The following MET variants were observed in gnomAD, a reference collection of about 807,000 sequenced individuals.
MET encodes the protein MET proto-oncogene, receptor tyrosine kinase.
Under a neutral mutation model 133.1 loss-of-function variants are expected in MET, and 48 were observed. The ratio of observed to expected loss-of-function variants is 0.36; its 90% CI spans 0.29 to 0.46. The LOEUF (loss-of-function observed/expected upper bound fraction) is 0.46. Ranked by LOEUF, MET falls within the 20% of genes least tolerant of loss-of-function variation. The pLI is 1.00. For missense variants in MET, 1,442 were observed against 1,695.9 expected (o/e 0.85, Z 2.63); for synonymous variants, 628 against 616.5 (o/e 1.02, Z -0.28).
At chr7:116,761,638 C>T (rs1352202377) in intron 10 of MET, among the ~76,000 whole-genome samples, 1 of 152,052 alleles carries the variant, frequency 6.6e-6, no homozygotes, top group Admixed American at 6.6e-5. Flanking sequence ...TAGGAGCCTG[C>T]AGTTTATTGT....
At chr7:116,773,989 C>A (rs1794912293) in intron 14 of MET, among the ~76,000 whole-genome samples, 1 of 152,148 alleles carries the variant, frequency 6.6e-6, no homozygotes, top group East Asian at 1.9e-4. Flanking sequence ...CATACTAATA[C>A]ATTTCAATAC....
At chr7:116,776,050 G>T (rs1794984605) in intron 15 of MET, among the ~76,000 whole-genome samples, 1 of 151,764 alleles carries the variant, frequency 6.6e-6, no homozygotes, top group Admixed American at 6.6e-5. Flanking sequence ...ACCGGGAAAT[G>T]AACTTCATTC....
Position 116,739,963 on chromosome 7 carries a change from G to C in MET, c.1406G>C (p.Arg469Pro), listed in dbSNP as rs752842662. The change falls in exon 4 of 21, where the codon CGA (arginine) becomes CCA (proline). Residue 469 changes from arginine (R) to proline (P), a missense_variant. By Grantham distance (103) the Arg-to-Pro change is moderately radical. Coordinates refer to ENST00000397752, the MANE Select transcript of MET (RefSeq NM_000245.4). ...TTTGCTGTTTAGGTTGTGGTTTCTC[G>C]ATCAGGACCATCAACCCCTCATGTG... ...EGRFMQVVVS[R>P]SGPSTPHVNF... 3 of 1,614,004 alleles carry C rather than the reference G, an allele frequency of 1.9e-6. No individual in the cohort carries two copies. Among genetic ancestry groups the C allele is most frequent in the Non-Finnish European group, 1.7e-6 (2 of 1,179,950 alleles).
intron 1 of MET, among the ~76,000 whole-genome samples, chr7:116,685,458 G>C (rs534975019): frequency 4.6e-5 from 7 of 152,198 alleles, no homozygotes; most frequent in East Asian, 3.9e-4. Flanking sequence ...CGGGTGGATA[G>C]TGAGGCGGGT....
chr7:116,792,224 C>T (rs1795523818), intron 19 of MET, among the ~76,000 whole-genome samples: 1 of 152,092 alleles, frequency 6.6e-6, no homozygotes, highest in Admixed American at 6.5e-5. Flanking sequence ...AGCTTACAAC[C>T]ATCTTTCACA....
At chr7:116,744,377 G>A (rs1239315770) in intron 5 of MET, among the ~76,000 whole-genome samples, 2 of 151,986 alleles carry the variant, frequency 1.3e-5, no homozygotes, top group East Asian at 3.9e-4. Flanking sequence ...CACAGCATGA[G>A]AACTTCATGA....
chr7:116,724,941 A>G, intron 2 of MET: 1 of 1,050,622 alleles, frequency 9.5e-7, no homozygotes, highest in Non-Finnish European at 1.3e-6. Context: ...AACTGTGTCT[A>G]ACACATTGTA....
chr7:116,716,525 G>GAA (rs1792243435), intron 2 of MET, among the ~76,000 whole-genome samples: 1 of 145,496 alleles, frequency 6.9e-6, no homozygotes, highest in Admixed American at 6.8e-5. Flanking sequence ...AAGAAAGAAA[G>GAA]AAAGAAAGAA....
intron 1 of MET, among the ~76,000 whole-genome samples, chr7:116,674,337 C>T (rs1222947035): frequency 6.6e-6 from 1 of 152,008 alleles, no homozygotes; most frequent in Non-Finnish European, 1.5e-5. Flanking sequence ...AGAAAAATGA[C>T]CCTTTGCTAA....
intron 4 of MET, 28 bp downstream of exon 4, chr7:116,740,112 T>C (rs2116828963): frequency 3.1e-6 from 5 of 1,613,706 alleles, no homozygotes; most frequent in South Asian, 1.1e-5. Flanking sequence ...GGAATTTCCA[T>C]AGACGTGGTT....
intron 5 of MET, among the ~76,000 whole-genome samples, chr7:116,752,069 A>AAAG (rs1562917680): frequency 6.6e-6 from 1 of 152,124 alleles, no homozygotes; most frequent in African/African-American, 2.4e-5. Flanking sequence ...TCAATAAAAA[A>AAAG]AAAGAAAGAA....
chr7:116,676,675 T>TGAG (rs2116447202), intron 1 of MET, among the ~76,000 whole-genome samples: 1 of 152,282 alleles, frequency 6.6e-6, no homozygotes, highest in East Asian at 1.9e-4. Context: ...AGGGAAGGCT[T>TGAG]GTCTTCAAAG....
chr7:116,682,358 T>A (rs1796392252), intron 1 of MET, among the ~76,000 whole-genome samples: 1 of 152,248 alleles, frequency 6.6e-6, no homozygotes, highest in Admixed American at 6.5e-5. Context: ...AGTTAGATGA[T>A]CATTATATGT....
chr7:116,694,478 G>A (rs1335781404), intron 1 of MET, among the ~76,000 whole-genome samples: 1 of 151,786 alleles, frequency 6.6e-6, no homozygotes, highest in Non-Finnish European at 1.5e-5. Flanking sequence ...GTTCTGTGAG[G>A]GTTTTTCTTT....
At chr7:116,686,883 C>T (rs1239751029) in intron 1 of MET, among the ~76,000 whole-genome samples, 1 of 152,214 alleles carries the variant, frequency 6.6e-6, no homozygotes, top group Non-Finnish European at 1.5e-5. Context: ...CCTACCTCAG[C>T]TGCACCTGAG....
rs115286439 is a variant in MET at position 116,726,437 on chromosome 7, G to A, written c.1201-5231G>A. 7.7e-3 allele frequency among the ~76,000 whole-genome samples: 1,163 copies of A among 151,768 alleles called. 11 individuals carry two copies. The highest frequency in any genetic ancestry group is 0.026 in the African/African-American group (1,082 of 41,384). On this transcript the variant is annotated intron_variant, in intron 2 of 20. Transcript: ENST00000397752. Reference sequence around the variant, plus strand: ...ATCTCAAGCTATACGGTATCTTCCTGCAGCCTTATAGTGTCCACCTTATTC... The same window carrying A: ...ATCTCAAGCTATACGGTATCTTCCTACAGCCTTATAGTGTCCACCTTATTC...
intron 16 of MET, among the ~76,000 whole-genome samples, chr7:116,777,920 T>C (rs1336329666): frequency 2.0e-5 from 3 of 152,190 alleles, no homozygotes; most frequent in Admixed American, 1.3e-4. Flanking sequence ...TGGCCAAAAA[T>C]TGAAAAATCA....
chr7:116,748,854 G>A (rs1265523956), intron 5 of MET, among the ~76,000 whole-genome samples: 2 of 152,144 alleles, frequency 1.3e-5, no homozygotes, highest in Non-Finnish European at 2.9e-5. Context: ...AGAAAATCTA[G>A]AAGAAATGGA....
At chr7:116,757,864 G>GTGTGTGT (rs769552513) in intron 8 of MET, 90 bp downstream of exon 8, 1 of 1,411,036 alleles carries the variant, frequency 7.1e-7, no homozygotes. Flanking sequence ...GTGTGTGTGT[G>GTGTGTGT]GAGAAGAAAA....
Sources: gnomAD v4.1 joint callset for allele counts (sites outside exome capture counted in the v4.1 genomes callset) on GRCh38, gnomAD v4.1.1 for gene constraint, MANE v1.5 for transcripts, NCBI Gene and HGNC (gene_info 2026-07-23, HGNC 2026-07-21) for gene names.